The following RPS6KC1 variants were observed in gnomAD, a reference collection of about 807,000 sequenced individuals.
The protein encoded by RPS6KC1 is ribosomal protein S6 kinase C1.
Under a neutral mutation model 103.8 loss-of-function variants are expected in RPS6KC1, and 54 were observed. The ratio of observed to expected loss-of-function variants is 0.52; its 90% CI spans 0.42 to 0.65. The LOEUF is 0.65. RPS6KC1 is among the 30% of genes least tolerant of loss of function. RPS6KC1 has a pLI of 0.00. For missense variants in RPS6KC1, 1,151 were observed against 1,253.8 expected, an observed-to-expected ratio of 0.92 and a Z score of 1.24; for synonymous variants, 439 against 438.7, an observed-to-expected ratio of 1.00 and a Z score of -0.01.
the RPS6KC1 span, among the ~76,000 whole-genome samples, chr1:213,515,014 G>C: frequency 6.6e-6 from 1 of 151,600 alleles, no homozygotes; most frequent in Non-Finnish European, 1.5e-5. Flanking sequence ...TCTTTTGGCT[G>C]CATAAATGTC....
the RPS6KC1 span, among the ~76,000 whole-genome samples, chr1:213,433,546 C>T: frequency 6.6e-6 from 1 of 152,152 alleles, no homozygotes; most frequent in African/African-American, 2.4e-5. Flanking sequence ...TTTTAGAAAA[C>T]TGAAAAATGG....
At chr1:213,190,000 C>T (rs192787448) in intron 8 of RPS6KC1, among the ~76,000 whole-genome samples, 173 of 152,234 alleles carry the variant, frequency 1.1e-3, no homozygotes, top group South Asian at 2.5e-3. Context: ...CTTTTTTATG[C>T]CTGAATAGTA....
chr1:213,131,858 T>TA (rs1219579758), intron 6 of RPS6KC1, among the ~76,000 whole-genome samples: 1 of 152,216 alleles, frequency 6.6e-6, no homozygotes, highest in Non-Finnish European at 1.5e-5. Flanking sequence ...GTATGAGTTA[T>TA]AAAAAAATCT....
chr1:213,488,961 A>G, the RPS6KC1 span, among the ~76,000 whole-genome samples: 2 of 152,234 alleles, frequency 1.3e-5, no homozygotes, highest in Admixed American at 1.3e-4. Context: ...AATCTGAAGT[A>G]AAGAGCAGAT....
the RPS6KC1 span, among the ~76,000 whole-genome samples, chr1:213,725,798 G>A: frequency 6.6e-6 from 1 of 152,224 alleles, no homozygotes; most frequent in South Asian, 2.1e-4. Flanking sequence ...CATATCCTTT[G>A]TTCATTCTTT....
chr1:213,112,543 CTTTTTT>C (rs570534857), intron 4 of RPS6KC1, among the ~76,000 whole-genome samples: 3 of 150,338 alleles, frequency 2.0e-5, no homozygotes, highest in Admixed American at 1.3e-4. Flanking sequence ...GGTTCTCAAA[CTTTTTT>C]TTTATTTTTA....
chr1:213,342,274 TC>T, the RPS6KC1 span, among the ~76,000 whole-genome samples: 1 of 152,216 alleles, frequency 6.6e-6, no homozygotes, highest in Non-Finnish European at 1.5e-5. Flanking sequence ...CACTGTCCCC[TC>T]CTGTCATATT....
At chr1:213,353,678 T>G in the RPS6KC1 span, among the ~76,000 whole-genome samples, 2 of 152,260 alleles carry the variant, frequency 1.3e-5, no homozygotes, top group Non-Finnish European at 2.9e-5. Flanking sequence ...TCAGGCTGAC[T>G]GCATAATCAG....
intron 1 of RPS6KC1, among the ~76,000 whole-genome samples, chr1:213,058,416 C>T (rs1396181152): frequency 6.6e-6 from 1 of 150,790 alleles, no homozygotes; most frequent in Admixed American, 6.6e-5. Context: ...ATATTTTGCT[C>T]TATGATCCAT....
the RPS6KC1 span, among the ~76,000 whole-genome samples, chr1:213,756,603 A>C: frequency 6.6e-6 from 1 of 152,078 alleles, no homozygotes; most frequent in Admixed American, 6.6e-5. Flanking sequence ...TATTTGAAAA[A>C]TATTTCAAAT....
the RPS6KC1 span, among the ~76,000 whole-genome samples, chr1:213,459,904 A>G: frequency 6.6e-6 from 1 of 152,118 alleles, no homozygotes; most frequent in Non-Finnish European, 1.5e-5. Flanking sequence ...GTTTTGAGTG[A>G]GTTTCTTAAT....
At chr1:213,363,593 C>CCTCGCTTGCTTGCTTGCTTGCTTG in the RPS6KC1 span, among the ~76,000 whole-genome samples, 1 of 106,414 alleles carries the variant, frequency 9.4e-6, no homozygotes, top group African/African-American at 4.8e-5. Flanking sequence ...ATTCTTTAGC[C>CCTCGCTTGCTTGCTTGCTTGCTTG]CTTGCTCGCT....
chr1:213,343,440 T>TATATATATATATATAC, the RPS6KC1 span, among the ~76,000 whole-genome samples: 4 of 80,380 alleles, frequency 5.0e-5, 1 homozygote, highest in African/African-American at 9.9e-5. Flanking sequence ...TATATATATA[T>TATATATATATATATAC]ACATACCATG....
chr1:213,799,814 G>A, the RPS6KC1 span, among the ~76,000 whole-genome samples: 2 of 152,224 alleles, frequency 1.3e-5, no homozygotes, highest in Non-Finnish European at 2.9e-5. Flanking sequence ...GCCTTGTCTA[G>A]TAGGCAGGTA....
chr1:213,168,077 T>C (rs1032127796), intron 7 of RPS6KC1, 104 bp downstream of exon 7: 1 of 627,804 alleles, frequency 1.6e-6, no homozygotes, highest in Admixed American at 3.5e-5. Context: ...ATTTTTTGAA[T>C]TTTATTAATG....
the RPS6KC1 span, among the ~76,000 whole-genome samples, chr1:213,573,421 C>T: frequency 6.6e-6 from 1 of 152,186 alleles, no homozygotes; most frequent in Non-Finnish European, 1.5e-5. Context: ...TTGGGACTCT[C>T]ATAAGAAGAA....
chr1:213,196,086 C>T (rs912494022), intron 8 of RPS6KC1, among the ~76,000 whole-genome samples: 3 of 152,150 alleles, frequency 2.0e-5, no homozygotes, highest in South Asian at 2.1e-4. Flanking sequence ...TACTAGTTTA[C>T]ATTTCCACTA....
the RPS6KC1 span, among the ~76,000 whole-genome samples, chr1:213,371,622 T>C: frequency 6.6e-6 from 1 of 152,226 alleles, no homozygotes; most frequent in Non-Finnish European, 1.5e-5. Context: ...TGTTGTTTGG[T>C]TTTTGTTTTT....
the RPS6KC1 span, among the ~76,000 whole-genome samples, chr1:213,391,931 C>T: frequency 6.6e-6 from 1 of 152,152 alleles, no homozygotes; most frequent in Non-Finnish European, 1.5e-5. Context: ...AAAAGGGAGG[C>T]CCGCTTCCTA....
Sources: gnomAD v4.1 joint callset for allele counts (sites outside exome capture counted in the v4.1 genomes callset) on GRCh38, gnomAD v4.1.1 for gene constraint, MANE v1.5 for transcripts, NCBI Gene and HGNC (gene_info 2026-07-23, HGNC 2026-07-21) for gene names.